DACH2: variants seen among roughly 807,000 people sequenced by gnomAD.
The protein encoded by DACH2 is dachshund family transcription factor 2.
DACH2 carries 17 observed loss-of-function variants against 35.8 expected under a neutral mutation model. That is an observed-to-expected ratio of 0.48 (90% CI 0.33 to 0.71). The LOEUF (loss-of-function observed/expected upper bound fraction) is 0.71. Among genes scored for constraint, DACH2 ranks in the 30% least tolerant of loss-of-function variants. DACH2 has a pLI of 0.02. For missense variants in DACH2, 469 were observed against 472.7 expected (o/e 0.99, Z 0.07); for synonymous variants, 195 against 177.3 (o/e 1.10, Z -0.79).
At chrX:86,604,179 A>G (rs1370225379) in intron 3 of DACH2, among the ~76,000 whole-genome samples, 1 of 111,358 alleles carries the variant, frequency 9.0e-6, no homozygotes, top group Non-Finnish European at 1.9e-5. Flanking sequence ...GTAATTTTGT[A>G]TCATCACTGA....
intron 1 of DACH2, among the ~76,000 whole-genome samples, chrX:86,355,874 G>A (rs1311725049): frequency 9.1e-6 from 1 of 109,975 alleles, no homozygotes; most frequent in Non-Finnish European, 1.9e-5. Context: ...ATTTTTTAAT[G>A]GGGTTGTTTC....
intron 4 of DACH2, among the ~76,000 whole-genome samples, chrX:86,678,473 C>T (rs1451391524): frequency 1.8e-5 from 2 of 111,949 alleles, no homozygotes; most frequent in African/African-American, 6.5e-5. Flanking sequence ...CTACAGTTTT[C>T]ACTTGGTAAA....
At chrX:86,486,324 A>G (rs2038018888) in intron 2 of DACH2, among the ~76,000 whole-genome samples, 1 of 111,144 alleles carries the variant, frequency 9.0e-6, no homozygotes, top group South Asian at 3.8e-4. Flanking sequence ...GTTTTCTTCT[A>G]TCACAGTATT....
rs1172943483 is a variant in DACH2 at position 86,261,617 on chromosome X, G to T, written c.488+112509G>T. On this transcript the variant is annotated intron_variant, in intron 1 of 11. Coordinates refer to ENST00000373125, the MANE Select transcript of DACH2 (RefSeq NM_053281.3). Reference sequence around the variant, plus strand: ...AAAACTGCCAAAAATGATTGACTGGGAGTGGAAAATGAAGAGGAATTTCTA... The same window carrying T: ...AAAACTGCCAAAAATGATTGACTGGTAGTGGAAAATGAAGAGGAATTTCTA... 1.8e-5 allele frequency among the ~76,000 whole-genome samples: 2 copies of T among 111,588 alleles called. 1 individual carries two copies. The highest frequency in any genetic ancestry group is 3.8e-5 in the Non-Finnish European group (2 of 53,141).
At chrX:86,412,259 C>T (rs4402024) in intron 2 of DACH2, among the ~76,000 whole-genome samples, 9,704 of 110,845 alleles carry the variant, frequency 0.088, 1,075 homozygotes, top group African/African-American at 0.3. Context: ...GTTGTGGGAA[C>T]GGAAAGCAAA....
intron 5 of DACH2, among the ~76,000 whole-genome samples, chrX:86,699,355 A>G (rs749704458): frequency 4.4e-5 from 5 of 112,563 alleles, no homozygotes; most frequent in East Asian, 2.8e-4. Context: ...GGCAATTTAC[A>G]AAAGAAAGAG....
At chrX:86,398,912 A>G (rs2036360112) in intron 2 of DACH2, among the ~76,000 whole-genome samples, 1 of 111,810 alleles carries the variant, frequency 8.9e-6, no homozygotes, top group Non-Finnish European at 1.9e-5. Flanking sequence ...CACTTGGTGC[A>G]GAGCTGAGTT....
chrX:86,199,031 A>C (rs1303440714), intron 1 of DACH2, among the ~76,000 whole-genome samples: 1 of 110,905 alleles, frequency 9.0e-6, no homozygotes, highest in African/African-American at 3.3e-5. Flanking sequence ...ATACTGGCAA[A>C]CTGAATCCAG....
At chrX:86,523,998 G>A (rs750625154) in intron 3 of DACH2, among the ~76,000 whole-genome samples, 12 of 112,116 alleles carry the variant, frequency 1.1e-4, no homozygotes, top group African/African-American at 3.6e-4. Context: ...TAGTTTGAAG[G>A]AGGAACTATT....
chrX:86,584,830 C>T (rs750331473), intron 3 of DACH2, among the ~76,000 whole-genome samples: 6 of 110,956 alleles, frequency 5.4e-5, no homozygotes, highest in Non-Finnish European at 7.6e-5. Context: ...TAGTACACCC[C>T]GGTGTCTATT....
At chrX:86,616,756 T>C (rs1256341153) in intron 3 of DACH2, among the ~76,000 whole-genome samples, 1 of 112,368 alleles carries the variant, frequency 8.9e-6, no homozygotes, top group African/African-American at 3.2e-5. Flanking sequence ...GTGTAGAAAA[T>C]ATTAAGTTTA....
chrX:86,228,231 C>T (rs1053375193), intron 1 of DACH2, among the ~76,000 whole-genome samples: 1 of 110,326 alleles, frequency 9.1e-6, no homozygotes, highest in African/African-American at 3.3e-5. Flanking sequence ...GTTTTCGATT[C>T]CCGAGTTACT....
intron 7 of DACH2, among the ~76,000 whole-genome samples, chrX:86,749,314 G>A (rs1402938019): frequency 4.5e-5 from 5 of 111,928 alleles, no homozygotes; most frequent in African/African-American, 1.6e-4. Context: ...CTTGGCTTTT[G>A]ACATGCCTTC....
chrX:86,457,747 T>C (rs780472364), intron 2 of DACH2, among the ~76,000 whole-genome samples: 1 of 112,280 alleles, frequency 8.9e-6, no homozygotes, highest in African/African-American at 3.2e-5. Flanking sequence ...ATTTTGTTGG[T>C]CAGTCCTTTC....
intron 2 of DACH2, among the ~76,000 whole-genome samples, chrX:86,394,904 T>C (rs765303204): frequency 1.8e-5 from 2 of 111,867 alleles, no homozygotes; most frequent in East Asian, 2.8e-4. Context: ...CAATTTACTT[T>C]GATTCATCAA....
chrX:86,309,260 C>G (rs1172207112), intron 1 of DACH2, among the ~76,000 whole-genome samples: 1 of 111,915 alleles, frequency 8.9e-6, no homozygotes, highest in Non-Finnish European at 1.9e-5. Context: ...TAATCTTAAC[C>G]AAGTGGTGAC....
intron 3 of DACH2, among the ~76,000 whole-genome samples, chrX:86,633,073 CAAACAAACAAACAAACA>C (rs2040221071): frequency 9.4e-6 from 1 of 106,807 alleles, no homozygotes; most frequent in South Asian, 3.9e-4. Context: ...CTAGCCAAAA[CAAACAAACAAACAAACA>C]AAACAAACAA....
intron 2 of DACH2, among the ~76,000 whole-genome samples, chrX:86,450,881 T>A (rs1290178364): frequency 5.4e-5 from 6 of 111,676 alleles, no homozygotes; most frequent in African/African-American, 2.0e-4. Flanking sequence ...TTGATAAGTG[T>A]CTTTTCATGT....
chrX:86,602,404 C>T, intron 3 of DACH2, among the ~76,000 whole-genome samples: 1 of 111,907 alleles, frequency 8.9e-6, no homozygotes, highest in Non-Finnish European at 1.9e-5. Context: ...TTATGTTTAA[C>T]TTTATAAGAA....
Sources: gnomAD v4.1 joint callset for allele counts (sites outside exome capture counted in the v4.1 genomes callset) on GRCh38, gnomAD v4.1.1 for gene constraint, MANE v1.5 for transcripts, NCBI Gene and HGNC (gene_info 2026-07-23, HGNC 2026-07-21) for gene names.